ITPRID2: variants seen among roughly 807,000 people sequenced by gnomAD.
The protein encoded by ITPRID2 is protein ITPRID2.
In ITPRID2, 60 loss-of-function variants were observed where a neutral mutation model predicts 124.3. The observed-to-expected ratio is 0.48, with a 90% CI of 0.39 to 0.60. The LOEUF (loss-of-function observed/expected upper bound fraction) is 0.60. ITPRID2 is among the 20% of genes least tolerant of loss of function. The pLI, the probability that ITPRID2 is intolerant of heterozygous loss-of-function variation, is 0.00. For synonymous variants in ITPRID2, 521 were observed against 542.9 expected (o/e 0.96, Z 0.56); for missense variants, 1,553 against 1,512.2 (o/e 1.03, Z -0.45).
Position 181,892,007 on chromosome 2 carries a change from C to T in ITPRID2, c.-60C>T, listed in dbSNP as rs568267731. The T allele has an allele frequency of 2.0e-5, 30 of 1,507,252 alleles. No individual in the cohort carries two copies. The highest frequency in any genetic ancestry group is 1.5e-4 in the East Asian group (6 of 39,424). 93.4% of individuals were successfully genotyped at this position (1,507,252 alleles called of 1,614,324 possible). ...GGCGCTGACAGCAAGGGCGGGGGTC[C>T]CTGCCGCCGCCTTGTCTCGCGCAGG... On this transcript the variant is annotated 5_prime_UTR_variant, in exon 1 of 18. Transcript: ENST00000431877. The surrounding 1 kb of genome is among the most constrained non-coding windows in gnomAD (Gnocchi z 5.2).
In ITPRID2 at chr2:181,929,551, CTTTTT is replaced by C. The variant is rs758392129; in HGVS notation, c.*14-8_*14-4del. On this transcript the variant is annotated splice_polypyrimidine_tract_variant and splice_region_variant and intron_variant, in intron 17 of 17. Transcript: ENST00000431877. ...GAGGTTTAAAACTGACTTCTCTTTT[CTTTTT>C]TAAGGTTGGCATGGATCCTATTAGC... 6 of 1,600,386 alleles carry C rather than the reference CTTTTT, an allele frequency of 3.7e-6. No homozygotes were observed. The highest frequency in any genetic ancestry group is 5.1e-6 in the Non-Finnish European group (6 of 1,171,092).
At chr2:181,897,118 A>G (rs1255979383) in intron 4 of ITPRID2, among the ~76,000 whole-genome samples, 154 bp downstream of exon 4, 1 of 151,998 alleles carries the variant, frequency 6.6e-6, no homozygotes, top group African/African-American at 2.4e-5. Flanking sequence ...TTTGTTAATA[A>G]TCTAGTCATA....
At chr2:181,895,595 A>G (rs1692132643) in intron 2 of ITPRID2, among the ~76,000 whole-genome samples, 2 of 151,666 alleles carry the variant, frequency 1.3e-5, no homozygotes, top group African/African-American at 2.4e-5. Context: ...ATTTCCAACT[A>G]CTCTTCACTT....
intron 11 of ITPRID2, 82 bp downstream of exon 11, chr2:181,916,509 A>C: frequency 6.8e-7 from 1 of 1,475,442 alleles, no homozygotes; most frequent in Non-Finnish European, 9.1e-7. Context: ...GCTAAGGCAC[A>C]TCAAGTATGA....
chr2:181,895,961 G>T, intron 2 of ITPRID2, 69 bp from the exon 3 acceptor site: 1 of 1,302,604 alleles, frequency 7.7e-7, no homozygotes, highest in East Asian at 2.3e-5. Context: ...CTTTAAGTAA[G>T]GCTGTGTAAT....
chr2:181,915,896 C>T lies in ITPRID2; in HGVS notation c.2256C>T (p.Ser752=). The T allele has an allele frequency of 3.7e-6, 6 of 1,614,206 alleles. No homozygotes were observed. The highest frequency in any genetic ancestry group is 2.5e-6 in the Non-Finnish European group (3 of 1,180,036). ...TTLLSPVRVV[S]SVNVRLSPGK... is the part of the protein sequence containing the mutation. ...TATTGAGCCCAGTAAGGGTTGTGTC[C>T]TCTGTCAATGTTCGATTATCTCCAG... The change falls in exon 11 of 18, where the codon TCC becomes TCT. Residue 752 remains serine (S), a synonymous_variant. Coordinates refer to ENST00000431877, the MANE Select transcript of ITPRID2 (RefSeq NM_001130445.3).
chr2:181,906,992 TAGAC>T (rs1185990170), intron 8 of ITPRID2, among the ~76,000 whole-genome samples: 4 of 152,298 alleles, frequency 2.6e-5, no homozygotes, highest in East Asian at 1.9e-4. Context: ...CATTAAAAAT[TAGAC>T]AGAATTGTAA....
chr2:181,918,800 T>A lies in ITPRID2; in HGVS notation c.2911T>A (p.Phe971Ile). The A allele has an allele frequency of 6.2e-7, 1 of 1,614,176 alleles. No homozygotes were observed. The highest frequency in any genetic ancestry group is 1.3e-5 in the African/African-American group (1 of 75,060). The part of the protein sequence containing the change: ...LQVMRRSLNL[F>I]RTQMMDLELA... ...GGTAATGAGGCGGAGCCTGAATTTG[T>A]TTAGAACACAAATGATGGATTTAGA... The change falls in exon 13 of 18, where the codon TTT becomes ATT. Residue 971 changes from phenylalanine to isoleucine, a missense_variant. Coordinates refer to ENST00000431877, the MANE Select transcript of ITPRID2 (RefSeq NM_001130445.3).
intron 15 of ITPRID2, among the ~76,000 whole-genome samples, chr2:181,920,894 A>G (rs1238163449): frequency 6.6e-6 from 1 of 152,246 alleles, no homozygotes; most frequent in Admixed American, 6.5e-5. Flanking sequence ...GTAATGCACC[A>G]TAAAAACATG....
chr2:181,902,429 T>C lies in ITPRID2; in HGVS notation c.1376T>C (p.Ile459Thr), dbSNP rs746385717. The C allele has an allele frequency of 1.2e-6, 2 of 1,602,432 alleles. No individual in the cohort carries two copies. Among genetic ancestry groups the C allele is most frequent in the East Asian group, 2.2e-5 (1 of 44,690 alleles). ...CTGACAATACCATCCATAAGAAATATAATGACACAGCAGAAGGACTCCTTC... is the reference window on the plus strand; with the variant it reads ...CTGACAATACCATCCATAAGAAATACAATGACACAGCAGAAGGACTCCTTC... ...APLTIPSIRN[I>T]MTQQKDSFEM... Residue 459 changes from isoleucine (I) to threonine (T), a missense_variant, in exon 8 of 18, where the codon ATA becomes ACA. Ile to Thr is a moderately conservative substitution (Grantham distance 89). Coordinates refer to ENST00000431877, the MANE Select transcript of ITPRID2 (RefSeq NM_001130445.3). This position sits in a 1 kb window ranked among gnomAD's most constrained non-coding sequence, Gnocchi z 4.4.
chr2:181,911,669 C>CT (rs1292113156), intron 9 of ITPRID2, among the ~76,000 whole-genome samples: 1 of 152,036 alleles, frequency 6.6e-6, no homozygotes, highest in African/African-American at 2.4e-5. Context: ...ATAGTTCCAT[C>CT]TTTTTCTGTT....
At chr2:181,925,340 T>G (rs774980519) in intron 16 of ITPRID2, among the ~76,000 whole-genome samples, 12 of 152,310 alleles carry the variant, frequency 7.9e-5, no homozygotes, top group Admixed American at 3.3e-4. Flanking sequence ...TAGCCTACAT[T>G]TTTTTGGAAA....
chr2:181,900,964 G>T, intron 7 of ITPRID2, 60 bp downstream of exon 7: 1 of 1,325,508 alleles, frequency 7.5e-7, no homozygotes. Context: ...ACAGCAAGAT[G>T]GTCTTATTTT....
Position 181,896,945 on chromosome 2 carries a change from T to TTTG in ITPRID2, c.347_349dup (p.Leu116dup). On this transcript the variant is annotated inframe_insertion, in exon 4 of 18. Transcript: ENST00000431877. The surrounding 1 kb of genome is among the most constrained non-coding windows in gnomAD (Gnocchi z 4.3). Reference sequence around the variant, plus strand: ...GAAATGGAGGAAGTTTTGAAGATGATTTGTCATTGGGAGCTGAAGGTATGT... The same window carrying TTTG: ...GAAATGGAGGAAGTTTTGAAGATGATTTGTTGTCATTGGGAGCTGAAGGTATGT... 1 of 1,612,750 alleles carries TTTG rather than the reference T, an allele frequency of 6.2e-7. No homozygotes were observed. Among genetic ancestry groups the TTTG allele is most frequent in the Non-Finnish European group, 8.5e-7 (1 of 1,178,986 alleles).
At chr2:181,904,356 G>A (rs970264134) in intron 8 of ITPRID2, among the ~76,000 whole-genome samples, 3 of 151,758 alleles carry the variant, frequency 2.0e-5, no homozygotes, top group Admixed American at 6.6e-5. Flanking sequence ...ATTTATGGTC[G>A]ACCACAGCTA....
intron 16 of ITPRID2, among the ~76,000 whole-genome samples, chr2:181,924,515 A>G (rs1694708090): frequency 6.6e-6 from 1 of 152,186 alleles, no homozygotes; most frequent in African/African-American, 2.4e-5. Context: ...GCCACCATTC[A>G]GGAAGGCAAG....
intron 8 of ITPRID2, among the ~76,000 whole-genome samples, chr2:181,909,232 C>T (rs1171118200): frequency 6.6e-6 from 1 of 152,126 alleles, no homozygotes; most frequent in Non-Finnish European, 1.5e-5. Flanking sequence ...ATACAGCTCC[C>T]AAGTTATGTC....
chr2:181,910,595 A>G lies in ITPRID2; in HGVS notation c.1486+624A>G, dbSNP rs569677844. 54 of 702,606 alleles carry G rather than the reference A, an allele frequency of 7.7e-5. No individual in the cohort carries two copies. Among genetic ancestry groups the G allele is most frequent in the Non-Finnish European group, 1.2e-4 (45 of 379,612 alleles). The allele number at this position is 702,606 out of a possible 1,614,324, so 43.5% of individuals were successfully genotyped here. ...TACAAAACTTTTGAGCTTTAGAGAA[A>G]GGGAAAGAGGAAGAAGTGAAAATGA... On this transcript the variant is annotated intron_variant, in intron 9 of 17. Transcript: ENST00000431877. This position sits in a 1 kb window ranked among gnomAD's most constrained non-coding sequence, Gnocchi z 4.1.
rs1174134407 is a variant in ITPRID2, at chr2:181,915,887, G to T, written c.2247G>T (p.Arg749Ser). The T allele has an allele frequency of 1.9e-6, 3 of 1,614,062 alleles. No individual in the cohort carries two copies. The highest frequency in any genetic ancestry group is 2.2e-5 in the South Asian group (2 of 91,088). Reference protein sequence around the residue: ...SLPTTLLSPVRVVSSVNVRLS... With the variant: ...SLPTTLLSPVSVVSSVNVRLS... ...CAACCACCTTATTGAGCCCAGTAAG[G>T]GTTGTGTCCTCTGTCAATGTTCGAT... is the stretch of plus-strand genomic sequence containing the variant. Residue 749 changes from arginine (R) to serine (S), a missense_variant, in exon 11 of 18, where the codon AGG becomes AGT. Arg to Ser is a moderately radical substitution (Grantham distance 110). Transcript: ENST00000431877.
Sources: gnomAD v4.1 joint callset for allele counts (sites outside exome capture counted in the v4.1 genomes callset) on GRCh38, gnomAD v4.1.1 for gene constraint, Gnocchi (gnomAD v3.1) non-coding constraint, MANE v1.5 for transcripts, NCBI Gene and HGNC (gene_info 2026-07-23, HGNC 2026-07-21) for gene names.